NCALD: variants seen among roughly 807,000 people sequenced by gnomAD.
The protein encoded by NCALD is neurocalcin delta, also known as neurocalcin-delta.
NCALD carries 10 observed loss-of-function variants against 18.6 expected under a neutral mutation model. The observed-to-expected ratio is 0.54, with a 90% CI of 0.33 to 0.91. The LOEUF (loss-of-function observed/expected upper bound fraction) is 0.91. Among genes scored for constraint, NCALD ranks in the 40% least tolerant of loss-of-function variants. NCALD has a pLI of 0.03. For synonymous variants in NCALD, 88 were observed against 87.4 expected (o/e 1.01, Z -0.04); for missense variants, 184 against 247.6 (o/e 0.74, Z 1.72).
intron 1 of NCALD, among the ~76,000 whole-genome samples, chr8:102,045,233 G>T (rs1275121587): frequency 2.0e-5 from 3 of 152,070 alleles, no homozygotes; most frequent in Non-Finnish European, 4.4e-5. Flanking sequence ...GTTCTACAGG[G>T]TCTTAAAGTA....
At position 101,917,693 on chromosome 8, in the gene NCALD, C is replaced by T. The variant is rs183026822; in HGVS notation, c.-156-1835G>A. ...AAAGATCCTCAGAGACTATTATGAACAATTCTATGCATACTAACTAGAAAA... is the reference window on the plus strand; with the variant it reads ...AAAGATCCTCAGAGACTATTATGAATAATTCTATGCATACTAACTAGAAAA... On this transcript the variant is annotated intron_variant, in intron 2 of 6. Transcript: ENST00000311028. Among the ~76,000 whole-genome samples the T allele has an allele frequency of 3.9e-5, 6 of 152,076 alleles. No individual in the cohort carries two copies. The East Asian group carries it at 1.2e-3, about 29-fold the overall frequency.
chr8:101,943,813 C>T (rs1466540564), intron 2 of NCALD, among the ~76,000 whole-genome samples: 1 of 151,974 alleles, frequency 6.6e-6, no homozygotes, highest in Non-Finnish European at 1.5e-5. Flanking sequence ...TGGTGGCGGG[C>T]TCCTGTAGTC....
intron 2 of NCALD, among the ~76,000 whole-genome samples, chr8:101,927,467 G>A (rs1355759017): frequency 1.3e-5 from 2 of 152,236 alleles, no homozygotes; most frequent in Non-Finnish European, 2.9e-5. Context: ...AGGTGTCTGA[G>A]CAAGGATCTG....
At chr8:101,974,592 C>T (rs1034300034) in intron 2 of NCALD, among the ~76,000 whole-genome samples, 3 of 152,170 alleles carry the variant, frequency 2.0e-5, no homozygotes, top group Admixed American at 2.0e-4. Context: ...CCTGCTGAAG[C>T]CGCTCCCTTA....
intron 1 of NCALD, among the ~76,000 whole-genome samples, chr8:101,774,437 GA>G (rs913048686): frequency 1.3e-5 from 2 of 151,110 alleles, no homozygotes; most frequent in South Asian, 4.2e-4. Flanking sequence ...CCCTTGAGGA[GA>G]AAAAAAAATC....
At chr8:102,037,506 A>AC (rs1822911291) in intron 1 of NCALD, among the ~76,000 whole-genome samples, 1 of 152,124 alleles carries the variant, frequency 6.6e-6, no homozygotes, top group South Asian at 2.1e-4. Flanking sequence ...GTGTAGATAG[A>AC]CATAATACAC....
chr8:101,706,614 A>C (rs1396831775), intron 2 of NCALD, among the ~76,000 whole-genome samples: 9 of 152,232 alleles, frequency 5.9e-5, no homozygotes. Context: ...TTGCAGATGC[A>C]ATCAAGTTAA....
chr8:101,819,569 G>A (rs1253126090), intron 4 of NCALD, among the ~76,000 whole-genome samples: 4 of 151,848 alleles, frequency 2.6e-5, no homozygotes, highest in African/African-American at 9.7e-5. Context: ...CTATATAAGC[G>A]CTACATTGCT....
At chr8:101,758,804 T>C (rs1329421550) in intron 1 of NCALD, among the ~76,000 whole-genome samples, 1 of 151,240 alleles carries the variant, frequency 6.6e-6, no homozygotes, top group Non-Finnish European at 1.5e-5. Flanking sequence ...GTGTCTAGCA[T>C]AGTGCTGGGA....
chr8:102,075,963 C>A (rs560641790), intron 1 of NCALD, among the ~76,000 whole-genome samples: 8,281 of 146,246 alleles, frequency 0.057, 349 homozygotes, highest in Non-Finnish European at 0.09. Flanking sequence ...AAAAAAAAAA[C>A]AAACAAAAAA....
chr8:102,014,031 A>G (rs1821995288), intron 2 of NCALD, among the ~76,000 whole-genome samples: 1 of 152,178 alleles, frequency 6.6e-6, no homozygotes, highest in African/African-American at 2.4e-5. Context: ...AGGTTTTTGA[A>G]GCATCAATAG....
intron 1 of NCALD, among the ~76,000 whole-genome samples, chr8:102,089,493 G>T (rs1824853887): frequency 6.6e-6 from 1 of 152,000 alleles, no homozygotes; most frequent in Non-Finnish European, 1.5e-5. Context: ...TCTATATGTT[G>T]TGTGTGTGGT....
intron 3 of NCALD, among the ~76,000 whole-genome samples, chr8:101,891,878 G>A (rs181949514): frequency 0.011 from 1,685 of 152,268 alleles, 29 homozygotes; most frequent in African/African-American, 0.037. Flanking sequence ...ACGGAATCTC[G>A]CTGATTCCTA....
intron 4 of NCALD, among the ~76,000 whole-genome samples, chr8:101,835,375 G>T (rs1814369782): frequency 6.6e-6 from 1 of 152,226 alleles, no homozygotes; most frequent in Non-Finnish European, 1.5e-5. Flanking sequence ...GAGATATCTG[G>T]CAATGCCTGG....
chr8:101,894,970 T>C (rs1717851805), intron 3 of NCALD, among the ~76,000 whole-genome samples: 1 of 150,916 alleles, frequency 6.6e-6, no homozygotes, highest in Non-Finnish European at 1.5e-5. Flanking sequence ...CTGAAACTAC[T>C]CCAATCAATA....
intron 1 of NCALD, among the ~76,000 whole-genome samples, chr8:102,069,099 A>G (rs1374910114): frequency 6.6e-6 from 1 of 152,148 alleles, no homozygotes; most frequent in African/African-American, 2.4e-5. Context: ...GAGAGAAGGA[A>G]TAAGTTTTAG....
chr8:101,795,301 T>C (rs968695922), upstream of NCALD, among the ~76,000 whole-genome samples: 1 of 152,110 alleles, frequency 6.6e-6, no homozygotes, highest in Admixed American at 6.6e-5. Context: ...AAAAGGAAAA[T>C]ATATTGAGCG....
chr8:101,909,971 A>G (rs1204007237), intron 3 of NCALD, among the ~76,000 whole-genome samples: 2 of 152,166 alleles, frequency 1.3e-5, no homozygotes, highest in African/African-American at 4.8e-5. Flanking sequence ...ACTATTGCCT[A>G]TCATGGTGCC....
At chr8:102,036,697 C>T (rs1375059046) in intron 1 of NCALD, among the ~76,000 whole-genome samples, 1 of 151,918 alleles carries the variant, frequency 6.6e-6, no homozygotes, top group Non-Finnish European at 1.5e-5. Context: ...ATCCCTTAAA[C>T]CCTGGAGGCA....
Sources: gnomAD v4.1 joint callset for allele counts (sites outside exome capture counted in the v4.1 genomes callset) on GRCh38, gnomAD v4.1.1 for gene constraint, MANE v1.5 for transcripts, NCBI Gene and HGNC (gene_info 2026-07-23, HGNC 2026-07-21) for gene names.